TET1: variants seen among roughly 807,000 people sequenced by gnomAD.
TET1 encodes the protein tet methylcytosine dioxygenase 1.
TET1 carries 13 observed loss-of-function variants against 148.7 expected under a neutral mutation model. The ratio of observed to expected loss-of-function variants is 0.09; its 90% CI spans 0.06 to 0.14. TET1 has a LOEUF of 0.14. TET1 is among the 10% of genes least tolerant of loss of function. The probability of loss-of-function intolerance (pLI) is 1.00; values close to 1 mark genes in which losing one functional copy is unlikely to be tolerated. For missense variants in TET1, 2,182 were observed against 2,553.8 expected (o/e 0.85, Z 3.14); for synonymous variants, 907 against 937.2 (o/e 0.97, Z 0.59).
intron 4 of TET1, among the ~76,000 whole-genome samples, chr10:68,648,578 T>C (rs537286635): frequency 1.3e-5 from 2 of 152,336 alleles, no homozygotes; most frequent in East Asian, 3.9e-4. Context: ...AGATTTGCCT[T>C]GACCAAAGGT....
chr10:68,637,518 CTT>C (rs34260111), intron 3 of TET1, among the ~76,000 whole-genome samples: 3 of 106,358 alleles, frequency 2.8e-5, no homozygotes, highest in Non-Finnish European at 5.3e-5. Context: ...GTTTCCTATT[CTT>C]TTTTTTTTTT....
intron 8 of TET1, chr10:68,674,815 G>T: frequency 4.2e-6 from 2 of 479,488 alleles, no homozygotes; most frequent in South Asian, 3.4e-5. Flanking sequence ...TCTGGAACAA[G>T]TTGATGGAAA....
chr10:68,583,284 C>T (rs1312924102), intron 2 of TET1, among the ~76,000 whole-genome samples: 9 of 152,112 alleles, frequency 5.9e-5, no homozygotes, highest in Admixed American at 5.9e-4. Context: ...TTTCAAGTAG[C>T]CAGCCACTGT....
intron 1 of TET1, 38 bp downstream of exon 1, chr10:68,560,780 A>C (rs955243100): frequency 6.6e-6 from 1 of 152,430 alleles, no homozygotes; most frequent in Non-Finnish European, 1.5e-5. Flanking sequence ...GGGTGCGGGG[A>C]GCGAGGACTC....
intron 4 of TET1, 73 bp from the exon 5 acceptor site, chr10:68,651,773 A>G (rs1010780112): frequency 1.8e-6 from 2 of 1,117,540 alleles, no homozygotes; most frequent in South Asian, 1.7e-5. Context: ...AACAAAAAGT[A>G]TAAAAGTAGC....
At chr10:68,669,825 G>A (rs1309353866) in intron 7 of TET1, among the ~76,000 whole-genome samples, 1 of 151,426 alleles carries the variant, frequency 6.6e-6, no homozygotes. Context: ...AATTTTTGTT[G>A]TTGTTGTTGT....
intron 8 of TET1, chr10:68,674,853 A>G: frequency 2.3e-6 from 1 of 430,718 alleles, no homozygotes. Flanking sequence ...CAGACAAATT[A>G]CTTGAAAGAA....
At chr10:68,589,531 TG>T (rs2053895589) in intron 2 of TET1, among the ~76,000 whole-genome samples, 3 of 151,958 alleles carry the variant, frequency 2.0e-5, no homozygotes, top group Admixed American at 6.6e-5. Flanking sequence ...CTTGAACTCC[TG>T]GGCTCAAGTG....
intron 3 of TET1, among the ~76,000 whole-genome samples, chr10:68,607,449 C>T (rs7077761): frequency 0.57 from 84,337 of 148,956 alleles, 23,679 homozygotes; most frequent in Middle Eastern, 0.62. Context: ...TTTATTTGTT[C>T]TTGAGACAGG....
At chr10:68,685,678 T>C (rs551620610) in intron 10 of TET1, among the ~76,000 whole-genome samples, 2 of 152,274 alleles carry the variant, frequency 1.3e-5, no homozygotes, top group South Asian at 4.1e-4. Context: ...ATAATAAATA[T>C]AACCTTTAAT....
chr10:68,676,268 A>ATATATT (rs1564506365), intron 8 of TET1, among the ~76,000 whole-genome samples: 7 of 36,008 alleles, frequency 1.9e-4, no homozygotes, highest in African/African-American at 6.3e-4. Context: ...ATATATATAT[A>ATATATT]TTTTTTTTTT....
At chr10:68,647,694 T>G (rs1026038866) in intron 4 of TET1, among the ~76,000 whole-genome samples, 2 of 152,212 alleles carry the variant, frequency 1.3e-5, no homozygotes, top group Non-Finnish European at 2.9e-5. Context: ...TACAAGCCTT[T>G]CATTATATTT....
intron 2 of TET1, among the ~76,000 whole-genome samples, chr10:68,593,426 T>G (rs1421545521): frequency 7.4e-6 from 1 of 134,438 alleles, no homozygotes; most frequent in Non-Finnish European, 1.7e-5. Context: ...AAAAATAAAG[T>G]TTTTTTAAAA....
chr10:68,683,994 C>T (rs1303554377), intron 10 of TET1, among the ~76,000 whole-genome samples: 2 of 152,068 alleles, frequency 1.3e-5, no homozygotes, highest in Non-Finnish European at 2.9e-5. Context: ...TGTTTGTCTT[C>T]CTGTCATCTA....
At chr10:68,591,042 A>T (rs948475072) in intron 2 of TET1, among the ~76,000 whole-genome samples, 2 of 151,846 alleles carry the variant, frequency 1.3e-5, no homozygotes, top group Non-Finnish European at 2.9e-5. Flanking sequence ...TTTAGTAGAG[A>T]TGGGGTTTCT....
intron 2 of TET1, among the ~76,000 whole-genome samples, chr10:68,582,482 T>C (rs2053809372): frequency 6.6e-6 from 1 of 152,138 alleles, no homozygotes; most frequent in Non-Finnish European, 1.5e-5. Flanking sequence ...GGAAAAAAAA[T>C]TGTAATACCT....
chr10:68,624,661 TCTCTCTCTC>T (rs2054441251), intron 3 of TET1, among the ~76,000 whole-genome samples: 1 of 92,498 alleles, frequency 1.1e-5, no homozygotes, highest in Non-Finnish European at 2.1e-5. Flanking sequence ...TCTTTCTTTC[TCTCTCTCTC>T]TCTCTCTCTC....
intron 3 of TET1, among the ~76,000 whole-genome samples, chr10:68,641,313 C>G (rs2054750055): frequency 6.6e-6 from 1 of 151,834 alleles, no homozygotes; most frequent in Non-Finnish European, 1.5e-5. Context: ...AGCGATTCTC[C>G]TGCCTGAGAG....
intron 3 of TET1, among the ~76,000 whole-genome samples, chr10:68,617,112 C>T (rs1186437061): frequency 7.0e-6 from 1 of 142,510 alleles, no homozygotes; most frequent in South Asian, 2.3e-4. Context: ...AGCTCCGCTT[C>T]CCGGGTTCAC....
Sources: gnomAD v4.1 joint callset for allele counts (sites outside exome capture counted in the v4.1 genomes callset) on GRCh38, gnomAD v4.1.1 for gene constraint, MANE v1.5 for transcripts, NCBI Gene and HGNC (gene_info 2026-07-23, HGNC 2026-07-21) for gene names.